Variants in CANT1 observed in about 807,000 individuals in gnomAD.
CANT1 encodes the protein calcium activated nucleotidase 1.
In CANT1, 26 loss-of-function variants were observed where a neutral mutation model predicts 30.0. The observed-to-expected ratio is 0.87, with a 90% CI of 0.64 to 1.20. The LOEUF is 1.20. Ranked by LOEUF, CANT1 falls within the 50% of genes most tolerant of loss-of-function variation. The probability of loss-of-function intolerance (pLI) is 0.00; values close to 1 mark genes in which losing one functional copy is unlikely to be tolerated. For missense variants in CANT1, 518 were observed against 563.0 expected (o/e 0.92, Z 0.81); for synonymous variants, 246 against 251.8 (o/e 0.98, Z 0.22).
In CANT1 at chr17:78,993,630, C is replaced by T; in HGVS notation, c.1126G>A (p.Ala376Thr). ...AGGAAGCGCCCGTCCAGCGTGAAGG[C>T]CATGATGTAGGAGGCGACTCTGCCG... ...DSGRVASYIM[A>T]FTLDGRFLLP... is the part of the protein sequence containing the mutation. Residue 376 changes from alanine (A) to threonine (T), a missense_variant, in exon 5 of 5, where the codon GCC (alanine) becomes ACC (threonine). Ala to Thr is a moderately conservative substitution (Grantham distance 58). Around this residue, in one of 3 missense-constraint regions of CANT1, gnomAD observed 221 missense variants for 211.8 expected, o/e 1.04. Transcript: ENST00000392446. This position sits in a 1 kb window ranked among gnomAD's most constrained non-coding sequence, Gnocchi z 4.5. 1 of 1,614,270 alleles carries T rather than the reference C, an allele frequency of 6.2e-7. No homozygotes were observed. The highest frequency in any genetic ancestry group is 8.5e-7 in the Non-Finnish European group (1 of 1,180,048).
chr17:79,003,668 A>C (rs2071345572), intron 1 of CANT1, among the ~76,000 whole-genome samples: 1 of 151,948 alleles, frequency 6.6e-6, no homozygotes, highest in Non-Finnish European at 1.5e-5. Context: ...ATTTTAGATA[A>C]TCAGCAACAA....
At chr17:79,003,393 G>A (rs750062783) in intron 1 of CANT1, among the ~76,000 whole-genome samples, 16 of 147,260 alleles carry the variant, frequency 1.1e-4, no homozygotes, top group Admixed American at 2.1e-4. Context: ...CCTGGCTGCC[G>A]GCGCCTGCTG....
In CANT1 at chr17:78,993,891, TC is replaced by T; in HGVS notation, c.864del (p.Trp288Ter). On this transcript the variant is annotated frameshift_variant, in exon 5 of 5. Coordinates refer to ENST00000392446, the MANE Select transcript of CANT1 (RefSeq NM_001159773.2). LOFTEE classifies it high-confidence loss of function. The surrounding 1 kb of genome is among the most constrained non-coding windows in gnomAD (Gnocchi z 4.5). ...AAGAACCAGCGCTGCAGCGTGTCACTCCAGCAGGCAGACTCATGGATGAGGT... is the reference window on the plus strand; with the variant it reads ...AAGAACCAGCGCTGCAGCGTGTCACTCAGCAGGCAGACTCATGGATGAGGT... ...PGYLIHESAC[W>X]SDTLQRWFFL... 2 of 1,591,768 alleles carry T rather than the reference TC, an allele frequency of 1.3e-6. No individual in the cohort carries two copies. The highest frequency in any genetic ancestry group is 1.7e-6 in the Non-Finnish European group (2 of 1,175,062).
In CANT1 at chr17:78,996,306, A is replaced by G. The variant is rs1024763124; in HGVS notation, c.631+686T>C. Among the ~76,000 whole-genome samples the G allele has an allele frequency of 1.3e-5, 2 of 152,234 alleles. No individual in the cohort carries two copies. Among genetic ancestry groups the G allele is most frequent in the East Asian group, 3.9e-4 (2 of 5,160 alleles). ...AGGTGGGGATCCACCGCCAGCTCAG[A>G]CAAACGGAGCTCAGAGGAGCTGGCA... On this transcript the variant is annotated intron_variant, in intron 3 of 4. Coordinates refer to ENST00000392446, the MANE Select transcript of CANT1 (RefSeq NM_001159773.2). The surrounding 1 kb of genome is among the most constrained non-coding windows in gnomAD (Gnocchi z 5.1).
chr17:78,997,632 A>T lies in CANT1; in HGVS notation c.-10T>A, dbSNP rs770656698. On this transcript the variant is annotated 5_prime_UTR_variant, in exon 3 of 5. Transcript: ENST00000392446. The surrounding 1 kb of genome is among the most constrained non-coding windows in gnomAD (Gnocchi z 7.5). ...ACAGCTGCACGGGCATCAGCGTGAC[A>T]GACAGGCGGGACCTGCACAGCCAGG... 1 of 1,565,156 alleles carries T rather than the reference A, an allele frequency of 6.4e-7. No homozygotes were observed. The highest frequency in any genetic ancestry group is 8.7e-7 in the Non-Finnish European group (1 of 1,154,956).
chr17:79,005,767 C>T (rs1763221247), intron 1 of CANT1, among the ~76,000 whole-genome samples: 1 of 152,132 alleles, frequency 6.6e-6, no homozygotes. Flanking sequence ...AGAGCAAACC[C>T]CACTGACCTA....
Position 78,992,340 on chromosome 17 carries a change from T to A in CANT1, c.*1210A>T. Reference sequence around the variant, plus strand: ...GTAGGAGTGAGGGTGGGGGTCGGGGTGAGGTAGTGCTGTGGGGAGGGCACT... The same window carrying A: ...GTAGGAGTGAGGGTGGGGGTCGGGGAGAGGTAGTGCTGTGGGGAGGGCACT... On this transcript the variant is annotated 3_prime_UTR_variant, in exon 5 of 5. Coordinates refer to ENST00000392446, the MANE Select transcript of CANT1 (RefSeq NM_001159773.2). 1 of 243,638 alleles carries A rather than the reference T, an allele frequency of 4.1e-6. No homozygotes were observed. Among genetic ancestry groups the A allele is most frequent in the Non-Finnish European group, 8.1e-6 (1 of 123,976 alleles). 15.1% of individuals were successfully genotyped at this position (243,638 alleles called of 1,614,324 possible).
intron 1 of CANT1, among the ~76,000 whole-genome samples, chr17:79,001,683 T>G (rs754004789): frequency 3.6e-4 from 55 of 151,504 alleles, no homozygotes; most frequent in Non-Finnish European, 1.5e-4. Flanking sequence ...GCAAACCCAG[T>G]GAGCACATTG....
Position 78,992,477 on chromosome 17 carries a change from G to A in CANT1, c.*1073C>T. ...CCAGCGAAGCCGAGGCCCAGCCAAC[G>A]CTCGTGAAGTTTCCACAGAGAAGAG... On this transcript the variant is annotated 3_prime_UTR_variant, in exon 5 of 5. Coordinates refer to ENST00000392446, the MANE Select transcript of CANT1 (RefSeq NM_001159773.2). 1 of 367,146 alleles carries A rather than the reference G, an allele frequency of 2.7e-6. No individual in the cohort carries two copies. Among genetic ancestry groups the A allele is most frequent in the South Asian group, 2.9e-5 (1 of 34,238 alleles). The allele number at this position is 367,146 out of a possible 1,614,324, so 22.7% of individuals were successfully genotyped here. A position where few individuals can be genotyped will look rare whatever the true frequency, so the allele number is the denominator to read the frequency against.
intron 1 of CANT1, chr17:79,000,195 G>A (rs999108471): frequency 6.6e-6 from 1 of 152,210 alleles, no homozygotes; most frequent in Non-Finnish European, 1.5e-5. Context: ...CTTGGGAAGG[G>A]TAGTGGTGAC....
Position 78,995,248 on chromosome 17 carries a change from C to T in CANT1, c.632-27G>A. On this transcript the variant is annotated intron_variant, in intron 3 of 4. Coordinates refer to ENST00000392446, the MANE Select transcript of CANT1 (RefSeq NM_001159773.2). This position sits in a 1 kb window ranked among gnomAD's most constrained non-coding sequence, Gnocchi z 5.7. ...TGGCCAAGCAGAGTGTCCTTAGGCC[C>T]CGCACCCAGCTCCCGCCGCACCCCT... 3 of 1,606,294 alleles carry T rather than the reference C, an allele frequency of 1.9e-6. No homozygotes were observed. Among genetic ancestry groups the T allele is most frequent in the East Asian group, 4.5e-5 (2 of 44,788 alleles).
chr17:79,009,072 G>A (rs954904840), intron 1 of CANT1, among the ~76,000 whole-genome samples: 10 of 152,192 alleles, frequency 6.6e-5, no homozygotes, highest in Non-Finnish European at 1.2e-4. Flanking sequence ...CCCAGGAGGG[G>A]TGCCCCACAC....
intron 1 of CANT1, among the ~76,000 whole-genome samples, chr17:79,001,434 G>A (rs1049587100): frequency 1.3e-5 from 2 of 151,942 alleles, no homozygotes; most frequent in Non-Finnish European, 2.9e-5. Flanking sequence ...GCCCCAAGTC[G>A]CCCACCTTGT....
At chr17:79,006,824 C>A (rs2071568787) in intron 1 of CANT1, among the ~76,000 whole-genome samples, 1 of 152,186 alleles carries the variant, frequency 6.6e-6, no homozygotes, top group Non-Finnish European at 1.5e-5. Flanking sequence ...CGCGGTGGCA[C>A]CTGCACGAGC....
chr17:78,995,159 C>G lies in CANT1; in HGVS notation c.694G>C (p.Glu232Gln). 1.9e-6 allele frequency: 3 copies of G among 1,614,034 alleles called. No homozygotes were observed. Among genetic ancestry groups the G allele is most frequent in the Non-Finnish European group, 2.5e-6 (3 of 1,179,974 alleles). The change falls in exon 4 of 5, where the codon GAG (glutamate) becomes CAG (glutamine). Residue 232 changes from glutamate to glutamine, a missense_variant. By Grantham distance (29) the Glu-to-Gln change is conservative. Coordinates refer to ENST00000392446, the MANE Select transcript of CANT1 (RefSeq NM_001159773.2). The surrounding 1 kb of genome is among the most constrained non-coding windows in gnomAD (Gnocchi z 5.7). ...ACATCACCCGTAGTGGTCGTCCACT[C>G]CTTGCCCAGGCCGCCCACGTACAGA... ...ERLYVGGLGKEWTTTTGDVVN... is the reference protein window; with the variant it reads ...ERLYVGGLGKQWTTTTGDVVN...
At position 78,995,210 on chromosome 17, in the gene CANT1, C is replaced by T. The variant is rs773215035; in HGVS notation, c.643G>A (p.Glu215Lys). The T allele has an allele frequency of 3.7e-6, 6 of 1,613,414 alleles. No individual in the cohort carries two copies. Among genetic ancestry groups the T allele is most frequent in the African/African-American group, 2.7e-5 (2 of 74,826 alleles). The change falls in exon 4 of 5, where the codon GAA (glutamate) becomes AAA (lysine). Residue 215 changes from glutamate to lysine, a missense_variant. By Grantham distance (56) the Glu-to-Lys change is moderately conservative. Around this residue, in one of 3 missense-constraint regions of CANT1, gnomAD observed 48 missense variants for 82.5 expected, o/e 0.58. Coordinates refer to ENST00000392446, the MANE Select transcript of CANT1 (RefSeq NM_001159773.2). The surrounding 1 kb of genome is among the most constrained non-coding windows in gnomAD (Gnocchi z 5.7). ...DGTVEKGFKA[E>K]WLAVKDERLY... ...CGCTCGTCCTTCACTGCCAGCCATT[C>T]GGCCTTGAAGCCTGGCCAAGCAGAG...
At chr17:79,001,920 G>A (rs777759792) in intron 1 of CANT1, among the ~76,000 whole-genome samples, 2 of 152,076 alleles carry the variant, frequency 1.3e-5, no homozygotes, top group East Asian at 1.9e-4. Flanking sequence ...TGGCAGTGCC[G>A]GCCCTCAGGA....
chr17:78,992,551 AC>A lies in CANT1; in HGVS notation c.*998del, dbSNP rs1289564044. The stretch of plus-strand genomic sequence containing the variant: ...GGAGAAATAAAGGCCATGGAAAGAA[AC>A]CCCAGGGAAGAGACAGGCCTCGTTC... On this transcript the variant is annotated 3_prime_UTR_variant, in exon 5 of 5. Transcript: ENST00000392446. The A allele has an allele frequency of 2.6e-6, 1 of 380,228 alleles. No individual in the cohort carries two copies. The highest frequency in any genetic ancestry group is 5.1e-6 in the Non-Finnish European group (1 of 196,096). 23.6% of individuals were successfully genotyped at this position (380,228 alleles called of 1,614,324 possible).
At chr17:78,999,639 CG>C (rs1682447672) in intron 1 of CANT1, among the ~76,000 whole-genome samples, 1 of 132,118 alleles carries the variant, frequency 7.6e-6, no homozygotes, top group Non-Finnish European at 1.6e-5. Flanking sequence ...CCACGCACAG[CG>C]AATTTTTTTT....
Sources: allele counts gnomAD v4.1 joint callset (sites outside exome capture counted in the v4.1 genomes callset), GRCh38; gene constraint gnomAD v4.1.1; regional missense constraint gnomAD v4.1.1; non-coding constraint Gnocchi (gnomAD v3.1); transcripts MANE v1.5; gene names NCBI Gene and HGNC (gene_info 2026-07-23, HGNC 2026-07-21).